MSR1: variants seen among roughly 807,000 people sequenced by gnomAD.
The protein encoded by MSR1 is macrophage scavenger receptor 1.
A neutral mutation model predicts 47.2 loss-of-function variants in MSR1; 53 were observed. That is an observed-to-expected ratio of 1.12 (90% CI 0.90 to 1.41). The LOEUF is 1.41. Ranked by LOEUF, MSR1 falls within the 40% of genes most tolerant of loss-of-function variation. The pLI, the probability that MSR1 is intolerant of heterozygous loss-of-function variation, is 0.00. For missense variants in MSR1, 786 were observed against 546.9 expected (o/e 1.44, Z -4.36); for synonymous variants, 239 against 185.6 (o/e 1.29, Z -2.34).
At chr8:16,133,478 T>C (rs760294639) in intron 8 of MSR1, among the ~76,000 whole-genome samples, 1 of 152,120 alleles carries the variant, frequency 6.6e-6, no homozygotes, top group Non-Finnish European at 1.5e-5. Context: ...TGATGGAGAC[T>C]CCCTGGAGAA....
chr8:16,136,516 C>G (rs928903102), intron 8 of MSR1, among the ~76,000 whole-genome samples: 7 of 151,248 alleles, frequency 4.6e-5, no homozygotes, highest in African/African-American at 1.7e-4. Flanking sequence ...TTTTTTTTGC[C>G]TTGGTCTGGA....
At chr8:16,188,772 T>C (rs910833108) in intron 1 of MSR1, among the ~76,000 whole-genome samples, 2 of 151,986 alleles carry the variant, frequency 1.3e-5, no homozygotes, top group African/African-American at 4.8e-5. Flanking sequence ...TTTCTTTTTC[T>C]GTTCCTCTGT....
chr8:16,176,641 G>T (rs1262845043), intron 2 of MSR1, among the ~76,000 whole-genome samples: 2 of 152,086 alleles, frequency 1.3e-5, no homozygotes, highest in African/African-American at 4.8e-5. Flanking sequence ...CTGAAAAGTA[G>T]GAGTCATCTT....
At chr8:16,127,991 G>T (rs532966648) in intron 8 of MSR1, among the ~76,000 whole-genome samples, 26 of 152,206 alleles carry the variant, frequency 1.7e-4, no homozygotes, top group Non-Finnish European at 1.2e-4. Context: ...ATTATCTCAT[G>T]AGACAATGTA....
intron 8 of MSR1, among the ~76,000 whole-genome samples, chr8:16,126,018 G>A (rs1180149238): frequency 6.6e-6 from 1 of 152,024 alleles, no homozygotes; most frequent in Non-Finnish European, 1.5e-5. Context: ...ACATGACTGT[G>A]TATTAGCTAT....
rs535987202 is a variant in MSR1, at chr8:16,128,548, T to C, written c.1034-7942A>G. On this transcript the variant is annotated intron_variant, in intron 8 of 9. Transcript: ENST00000262101. ...TTTAATGTCAAGAACTCTGAGGAAA[T>C]AAATGTCTATAATTTAAGCTACTTT... Among the ~76,000 whole-genome samples, 25 of 152,096 alleles carry C rather than the reference T, an allele frequency of 1.6e-4. 1 individual carries two copies. Among genetic ancestry groups the C allele is most frequent in the Non-Finnish European group, 3.2e-4 (22 of 67,998 alleles).
chr8:16,161,145 T>C (rs1801151867), intron 5 of MSR1, among the ~76,000 whole-genome samples: 1 of 146,840 alleles, frequency 6.8e-6, no homozygotes, highest in Admixed American at 7.0e-5. Context: ...TGAATTAGAG[T>C]AGTAGTAGAG....
At chr8:16,177,392 T>C (rs1011951634) in intron 2 of MSR1, among the ~76,000 whole-genome samples, 4 of 151,910 alleles carry the variant, frequency 2.6e-5, no homozygotes, top group African/African-American at 9.7e-5. Context: ...CAAGGAACAC[T>C]AAGGACTGCC....
At chr8:16,180,905 A>C (rs910428286) in intron 1 of MSR1, among the ~76,000 whole-genome samples, 1 of 152,130 alleles carries the variant, frequency 6.6e-6, no homozygotes, top group African/African-American at 2.4e-5. Flanking sequence ...ACCACTGTGG[A>C]GAAAGGGAAT....
chr8:16,123,474 ATGTC>A (rs920176160), intron 8 of MSR1, among the ~76,000 whole-genome samples: 8 of 152,006 alleles, frequency 5.3e-5, no homozygotes, highest in African/African-American at 1.9e-4. Context: ...GATGTAAAGA[ATGTC>A]TGTCGTTTCT....
chr8:16,154,926 G>A (rs571807976), intron 6 of MSR1, 138 bp downstream of exon 6: 4 of 705,266 alleles, frequency 5.7e-6, no homozygotes, highest in Non-Finnish European at 9.9e-6. Context: ...ATACACACAT[G>A]TGCGTGCATA....
rs1799677906 is a variant in MSR1 at position 16,108,180 on chromosome 8, CTAGTAA to C, written c.*1899_*1904del. On this transcript the variant is annotated 3_prime_UTR_variant, in exon 10 of 10. Coordinates refer to ENST00000262101, the MANE Select transcript of MSR1 (RefSeq NM_138715.3). ...TATTAACAGTGTCATAGTACTAGTA[CTAGTAA>C]TAGTACTAGTAATAGCAATAGTACT... 1 of 147,040 alleles carries C rather than the reference CTAGTAA, an allele frequency of 6.8e-6. No individual in the cohort carries two copies. The highest frequency in any genetic ancestry group is 2.5e-5 in the African/African-American group (1 of 39,734). 9.1% of individuals were successfully genotyped at this position (147,040 alleles called of 1,614,324 possible).
Position 16,187,573 on chromosome 8 carries a change from T to C in MSR1, c.-5+5025A>G, listed in dbSNP as rs1332201308. On this transcript the variant is annotated intron_variant, in intron 1 of 9. Transcript: ENST00000262101. ...TCTCATCCAAGCCAGATCCATGATG[T>C]GGACTTTTGATCTCTTTGGTTCAGG... Among the ~76,000 whole-genome samples, 3 of 152,016 alleles carry C rather than the reference T, an allele frequency of 2.0e-5. 1 individual carries two copies. Among genetic ancestry groups the C allele is most frequent in the African/African-American group, 7.2e-5 (3 of 41,398 alleles).
intron 9 of MSR1, among the ~76,000 whole-genome samples, chr8:16,113,460 G>T (rs1799808938): frequency 6.6e-6 from 1 of 152,120 alleles, no homozygotes; most frequent in African/African-American, 2.4e-5. Context: ...GCCTGAATGT[G>T]TATTTTCATT....
At chr8:16,139,168 G>A (rs899001934) in intron 8 of MSR1, 5 of 636,100 alleles carry the variant, frequency 7.9e-6, no homozygotes, top group South Asian at 7.0e-5. Context: ...TCTTTTTCTC[G>A]AGCATCTCTC....
At chr8:16,115,420 A>G (rs1799855663) in intron 9 of MSR1, among the ~76,000 whole-genome samples, 1 of 152,026 alleles carries the variant, frequency 6.6e-6, no homozygotes, top group Admixed American at 6.5e-5. Context: ...GAGGAGTGAA[A>G]AAATCAGGAA....
In MSR1 at chr8:16,168,859, T is replaced by C. The variant is rs961799128; in HGVS notation, c.229A>G (p.Lys77Glu). 33 of 1,612,904 alleles carry C rather than the reference T, an allele frequency of 2.0e-5. No individual in the cohort carries two copies. The highest frequency in any genetic ancestry group is 2.7e-5 in the Non-Finnish European group (32 of 1,179,988). Reference protein sequence around the residue: ...LIGIVAAQLLKWETKNCSVSS... With the variant: ...LIGIVAAQLLEWETKNCSVSS... ...ACTGAGCAATTCTTCGTTTCCCACTTCAGGAGTTGAGCTGTATATTTAAGT... is the reference window on the plus strand; with the variant it reads ...ACTGAGCAATTCTTCGTTTCCCACTCCAGGAGTTGAGCTGTATATTTAAGT... Residue 77 changes from lysine (K) to glutamate (E), a missense_variant, in exon 4 of 10, where the codon AAG becomes GAG. Transcript: ENST00000262101.
chr8:16,126,951 G>A (rs1563142096), intron 8 of MSR1, among the ~76,000 whole-genome samples: 1 of 152,098 alleles, frequency 6.6e-6, no homozygotes, highest in Non-Finnish European at 1.5e-5. Flanking sequence ...AAGTAAAGGA[G>A]GTATATAAAG....
intron 1 of MSR1, among the ~76,000 whole-genome samples, chr8:16,183,053 T>A (rs1801882191): frequency 6.6e-6 from 1 of 152,114 alleles, no homozygotes; most frequent in East Asian, 1.9e-4. Context: ...ATTTTTCAGC[T>A]CCATTATAAT....
Sources: gnomAD v4.1 joint callset for allele counts (sites outside exome capture counted in the v4.1 genomes callset) on GRCh38, gnomAD v4.1.1 for gene constraint, MANE v1.5 for transcripts, NCBI Gene and HGNC (gene_info 2026-07-23, HGNC 2026-07-21) for gene names.